TSHZ1: variants seen among roughly 807,000 people sequenced by gnomAD.
TSHZ1 encodes teashirt zinc finger homeobox 1, also known as teashirt homolog 1.
A neutral mutation model predicts 67.1 loss-of-function variants in TSHZ1; 12 were observed. The ratio of observed to expected loss-of-function variants is 0.18; its 90% CI spans 0.11 to 0.29. The LOEUF is 0.29. Ranked by LOEUF, TSHZ1 falls within the 10% of genes least tolerant of loss-of-function variation. TSHZ1 has a pLI of 1.00. For synonymous variants in TSHZ1, 632 were observed against 622.4 expected, an observed-to-expected ratio of 1.02 and a Z score of -0.23; for missense variants, 1,305 against 1,413.9, an observed-to-expected ratio of 0.92 and a Z score of 1.23.
rs555852535 is a variant in TSHZ1, at chr18:75,279,507, C to A, written c.41-5941C>A. Among the ~76,000 whole-genome samples the A allele has an allele frequency of 5.0e-4, 76 of 152,256 alleles. 3 individuals are homozygous for A. The South Asian group carries it at 6.0e-3, about 12-fold the overall frequency. ...CCTCCTGTTTGTCAGACACTGCAGC[C>A]CCTCCCATGGGAAGGCTGGATGGAG... On this transcript the variant is annotated intron_variant, in intron 1 of 1. Transcript: ENST00000580243.
rs758085480 is a variant in TSHZ1, at chr18:75,286,405, A to G, written c.998A>G (p.Gln333Arg). 1 of 1,614,172 alleles carries G rather than the reference A, an allele frequency of 6.2e-7. No individual in the cohort carries two copies. Among genetic ancestry groups the G allele is most frequent in the Non-Finnish European group, 8.5e-7 (1 of 1,180,036 alleles). ...CACATGATCAAAACCAAGCATTACC[A>G]GAAAGTGCCTCTGAAGGAGCCAGTG... ...SVHMIKTKHYQKVPLKEPVPA... is the reference protein window; with the variant it reads ...SVHMIKTKHYRKVPLKEPVPA... The change falls in exon 2 of 2, where the codon CAG becomes CGG. Residue 333 changes from glutamine (Q) to arginine (R), a missense_variant. Physicochemically the swap from Gln to Arg is conservative, Grantham distance 43 (BLOSUM62 1). Around this residue, in one of 3 missense-constraint regions of TSHZ1, gnomAD observed 38 missense variants for 76.5 expected, o/e 0.50. Transcript: ENST00000580243. The surrounding 1 kb of genome is among the most constrained non-coding windows in gnomAD (Gnocchi z 5.1).
chr18:75,258,138 G>A (rs774735138), intron 1 of TSHZ1, among the ~76,000 whole-genome samples: 28 of 152,214 alleles, frequency 1.8e-4, no homozygotes, highest in Non-Finnish European at 2.5e-4. Context: ...CAGCGTCACT[G>A]CAGTGTGTGA....
At chr18:75,243,514 T>C (rs2023183518) in intron 1 of TSHZ1, among the ~76,000 whole-genome samples, 1 of 149,936 alleles carries the variant, frequency 6.7e-6, no homozygotes, top group Admixed American at 6.6e-5. Flanking sequence ...CTTGTCTGGG[T>C]GGGCTGAGGG....
chr18:75,266,686 T>C (rs2122589392), intron 1 of TSHZ1, among the ~76,000 whole-genome samples: 1 of 152,352 alleles, frequency 6.6e-6, no homozygotes, highest in South Asian at 2.1e-4. Flanking sequence ...CTGCAATTGA[T>C]GGTGCCTGAG....
chr18:75,271,102 C>T (rs776897373), intron 1 of TSHZ1, among the ~76,000 whole-genome samples: 27 of 152,218 alleles, frequency 1.8e-4, no homozygotes, highest in Non-Finnish European at 3.5e-4. Context: ...AAACCTTGTG[C>T]ATTCTCCAGG....
chr18:75,249,934 GA>G (rs1234151247), intron 1 of TSHZ1, among the ~76,000 whole-genome samples: 1 of 150,250 alleles, frequency 6.7e-6, no homozygotes. Context: ...CAGTAGGTGG[GA>G]GGGTTGACTT....
At chr18:75,227,704 A>G (rs2022944237) in intron 1 of TSHZ1, among the ~76,000 whole-genome samples, 1 of 152,268 alleles carries the variant, frequency 6.6e-6, no homozygotes, top group Admixed American at 6.5e-5. Context: ...TTACAGCATC[A>G]GATACCATTT....
chr18:75,286,550 G>A lies in TSHZ1; in HGVS notation c.1143G>A (p.Lys381=). The A allele has an allele frequency of 6.2e-7, 1 of 1,614,200 alleles. No homozygotes were observed. Among genetic ancestry groups the A allele is most frequent in the East Asian group, 2.2e-5 (1 of 44,868 alleles). The stretch of plus-strand genomic sequence containing the variant: ...AGGTGGCCCTGAGTGAGTCAGCCAA[G>A]GATCAGAAAGCAGCGAACCCGTACG... ...AAEVALSESA[K]DQKAANPYVT... Residue 381 remains lysine (K), a synonymous_variant, in exon 2 of 2, where the codon AAG becomes AAA. Transcript: ENST00000580243. This position sits in a 1 kb window ranked among gnomAD's most constrained non-coding sequence, Gnocchi z 5.1.
chr18:75,261,231 G>A (rs967564812), intron 1 of TSHZ1, among the ~76,000 whole-genome samples: 1 of 152,186 alleles, frequency 6.6e-6, no homozygotes, highest in South Asian at 2.1e-4. Context: ...GTAGGTAAGA[G>A]AACTGTATCT....
In TSHZ1 at chr18:75,287,922, G is replaced by A. The variant is rs1480320495; in HGVS notation, c.2515G>A (p.Asp839Asn). ...ACCTCTGCGGGAGAGCGCACTCATG[G>A]ACATCTCCGACATGGTGAAAAACCT... ...ASPLRESALM[D>N]ISDMVKNLTG... Residue 839 changes from aspartate (D) to asparagine (N), a missense_variant, in exon 2 of 2, where the codon GAC (aspartate) becomes AAC (asparagine). This residue lies in a region of TSHZ1 where 909 missense variants were observed against 961.8 expected (regional missense o/e 0.95). Coordinates refer to ENST00000580243, the MANE Select transcript of TSHZ1 (RefSeq NM_001308210.2). The surrounding 1 kb of genome is among the most constrained non-coding windows in gnomAD (Gnocchi z 5.0). The A allele has an allele frequency of 6.2e-7, 1 of 1,614,172 alleles. No homozygotes were observed.
At chr18:75,262,993 T>C (rs191239304) in intron 1 of TSHZ1, among the ~76,000 whole-genome samples, 1 of 152,322 alleles carries the variant, frequency 6.6e-6, no homozygotes, top group East Asian at 1.9e-4. Flanking sequence ...CTCTTCAAGT[T>C]TCCCAGCAGT....
intron 1 of TSHZ1, among the ~76,000 whole-genome samples, chr18:75,217,773 A>C (rs537385658): frequency 3.3e-4 from 50 of 152,358 alleles, no homozygotes; most frequent in Non-Finnish European, 6.6e-4. Context: ...GAAGGGACTT[A>C]GGGAGATTGA....
In TSHZ1 at chr18:75,286,042, C is replaced by T; in HGVS notation, c.635C>T (p.Ser212Phe). 1 of 1,613,276 alleles carries T rather than the reference C, an allele frequency of 6.2e-7. No homozygotes were observed. The highest frequency in any genetic ancestry group is 1.1e-5 in the South Asian group (1 of 90,946). Residue 212 changes from serine to phenylalanine, a missense_variant, in exon 2 of 2, where the codon TCC becomes TTC. Physicochemically the swap from Ser to Phe is radical, Grantham distance 155. This residue lies in a region of TSHZ1 where 358 missense variants were observed against 375.6 expected (regional missense o/e 0.95). Transcript: ENST00000580243. The surrounding 1 kb of genome is among the most constrained non-coding windows in gnomAD (Gnocchi z 5.1). ...CTGGCCAAGACGCTGCAGCAGACGT[C>T]CTCGTATGGGCTGCTTCCTGAGCCC... ...AALAKTLQQT[S>F]SYGLLPEPSL...
intron 1 of TSHZ1, among the ~76,000 whole-genome samples, chr18:75,237,082 G>A (rs902647585): frequency 2.6e-5 from 4 of 152,200 alleles, no homozygotes; most frequent in South Asian, 2.1e-4. Context: ...CTGGGTGGCC[G>A]TTAGTGCCTC....
chr18:75,246,403 G>GGGGTGTGTGTGTGTGTGTGTGT (rs1555727131), intron 1 of TSHZ1, among the ~76,000 whole-genome samples: 2 of 108,372 alleles, frequency 1.8e-5, no homozygotes, highest in Non-Finnish European at 3.8e-5. Flanking sequence ...TTTGGTTTCT[G>GGGGTGTGTGTGTGTGTGTGTGT]GTGTGTGTGT....
intron 1 of TSHZ1, 92 bp from the exon 2 acceptor site, chr18:75,285,356 A>G (rs2023737939): frequency 7.2e-7 from 1 of 1,392,290 alleles, no homozygotes; most frequent in African/African-American, 1.5e-5. Flanking sequence ...TAGGCTGACA[A>G]ATATCTTTTT....
intron 1 of TSHZ1, among the ~76,000 whole-genome samples, chr18:75,247,365 C>T (rs1307321710): frequency 6.6e-6 from 1 of 152,158 alleles, no homozygotes; most frequent in Admixed American, 6.5e-5. Context: ...AGTGGAGTCC[C>T]TTTGCCCTTG....
At chr18:75,224,985 C>CT (rs113089676) in intron 1 of TSHZ1, among the ~76,000 whole-genome samples, 57 of 147,630 alleles carry the variant, frequency 3.9e-4, no homozygotes, top group South Asian at 4.3e-4. Flanking sequence ...AACAGCTGTC[C>CT]TTTTTTTTTT....
At chr18:75,235,929 C>A (rs2023062023) in intron 1 of TSHZ1, among the ~76,000 whole-genome samples, 1 of 152,168 alleles carries the variant, frequency 6.6e-6, no homozygotes, top group Non-Finnish European at 1.5e-5. Flanking sequence ...TCCTGTGCTG[C>A]GGCGTTGACA....
Sources: allele counts gnomAD v4.1 joint callset (sites outside exome capture counted in the v4.1 genomes callset), GRCh38; gene constraint gnomAD v4.1.1; regional missense constraint gnomAD v4.1.1; non-coding constraint Gnocchi (gnomAD v3.1); transcripts MANE v1.5; gene names NCBI Gene and HGNC (gene_info 2026-07-23, HGNC 2026-07-21).